Variants in CACNA2D3 observed in about 807,000 individuals in gnomAD.
CACNA2D3 encodes the protein calcium voltage-gated channel auxiliary subunit alpha2delta 3, also known as voltage-dependent calcium channel subunit alpha-2/delta-3.
CACNA2D3 carries 60 observed loss-of-function variants against 160.6 expected under a neutral mutation model. That is an observed-to-expected ratio of 0.37 (90% CI 0.30 to 0.46). The LOEUF is 0.46. Among genes scored for constraint, CACNA2D3 ranks in the 20% least tolerant of loss-of-function variants. CACNA2D3 has a pLI of 1.00. For synonymous variants in CACNA2D3, 558 were observed against 492.9 expected, an observed-to-expected ratio of 1.13 and a Z score of -1.75; for missense variants, 1,205 against 1,365.0, an observed-to-expected ratio of 0.88 and a Z score of 1.85.
At chr3:54,999,048 C>G (rs1034238503) in intron 31 of CACNA2D3, among the ~76,000 whole-genome samples, 2 of 152,138 alleles carry the variant, frequency 1.3e-5, no homozygotes, top group Non-Finnish European at 2.9e-5. Flanking sequence ...GCCCGGCCAG[C>G]TAAAGTTGTT....
intron 5 of CACNA2D3, among the ~76,000 whole-genome samples, chr3:54,527,831 G>T (rs1701749082): frequency 6.6e-6 from 1 of 152,170 alleles, no homozygotes; most frequent in African/African-American, 2.4e-5. Flanking sequence ...GAGAGGGAGG[G>T]AGCAGGTCTT....
chr3:54,144,514 T>G (rs1328131727), intron 2 of CACNA2D3, among the ~76,000 whole-genome samples: 1 of 152,262 alleles, frequency 6.6e-6, no homozygotes, highest in Non-Finnish European at 1.5e-5. Context: ...TCTCTTGTAG[T>G]ATCCAGCTCT....
chr3:54,432,291 ACT>A (rs1382429756), intron 4 of CACNA2D3, among the ~76,000 whole-genome samples: 4 of 151,928 alleles, frequency 2.6e-5, no homozygotes, highest in Admixed American at 2.6e-4. Context: ...CAGAAAATAA[ACT>A]CTTTTCTGTC....
chr3:54,830,198 C>T (rs1256081134), intron 14 of CACNA2D3, among the ~76,000 whole-genome samples: 3 of 152,136 alleles, frequency 2.0e-5, no homozygotes, highest in Admixed American at 6.5e-5. Context: ...CTGCCTTGGC[C>T]TCCCAAAGTG....
intron 11 of CACNA2D3, among the ~76,000 whole-genome samples, chr3:54,668,347 A>G (rs1043563287): frequency 6.6e-6 from 1 of 152,228 alleles, no homozygotes; most frequent in Non-Finnish European, 1.5e-5. Flanking sequence ...AAGTGCAAAC[A>G]GCCCTGCAGA....
At chr3:54,526,352 T>C (rs1006561171) in intron 5 of CACNA2D3, among the ~76,000 whole-genome samples, 1 of 152,224 alleles carries the variant, frequency 6.6e-6, no homozygotes, top group African/African-American at 2.4e-5. Flanking sequence ...TTCTGTTGCC[T>C]GCTTGTTTTT....
intron 2 of CACNA2D3, among the ~76,000 whole-genome samples, chr3:54,159,587 G>T (rs893894315): frequency 6.6e-6 from 1 of 152,162 alleles, no homozygotes; most frequent in East Asian, 1.9e-4. Flanking sequence ...CCAGGCTTGT[G>T]TTGGGTGCAA....
intron 4 of CACNA2D3, among the ~76,000 whole-genome samples, chr3:54,404,386 C>T (rs908003729): frequency 3.9e-5 from 6 of 152,100 alleles, no homozygotes; most frequent in Non-Finnish European, 7.4e-5. Flanking sequence ...AAAAACCACA[C>T]GATCATATAA....
At chr3:54,839,781 A>G (rs1360073512) in intron 16 of CACNA2D3, among the ~76,000 whole-genome samples, 1 of 152,184 alleles carries the variant, frequency 6.6e-6, no homozygotes, top group Non-Finnish European at 1.5e-5. Context: ...TTGACTCTGC[A>G]GGTTCCTGGC....
At chr3:54,270,341 G>A (rs1464217741) in intron 2 of CACNA2D3, among the ~76,000 whole-genome samples, 5 of 152,302 alleles carry the variant, frequency 3.3e-5, no homozygotes, top group African/African-American at 4.8e-5. Flanking sequence ...CAGAAATACT[G>A]TATAGCGAGT....
At chr3:54,400,412 C>T (rs1423015386) in intron 4 of CACNA2D3, among the ~76,000 whole-genome samples, 3 of 152,046 alleles carry the variant, frequency 2.0e-5, no homozygotes, top group Non-Finnish European at 1.5e-5. Context: ...ATATTCTGAG[C>T]ACCTGTTTCC....
intron 2 of CACNA2D3, among the ~76,000 whole-genome samples, chr3:54,221,649 A>C (rs898655711): frequency 2.6e-5 from 4 of 152,192 alleles, no homozygotes; most frequent in African/African-American, 9.7e-5. Flanking sequence ...CAGTACCCAA[A>C]TTCACAGATG....
At chr3:54,964,351 G>A (rs1381165601) in intron 27 of CACNA2D3, among the ~76,000 whole-genome samples, 1 of 152,078 alleles carries the variant, frequency 6.6e-6, no homozygotes, top group African/African-American at 2.4e-5. Flanking sequence ...TGACCTCCGG[G>A]GAAATATGTT....
At chr3:54,220,053 A>G (rs1234786618) in intron 2 of CACNA2D3, among the ~76,000 whole-genome samples, 2 of 152,184 alleles carry the variant, frequency 1.3e-5, no homozygotes, top group Non-Finnish European at 2.9e-5. Context: ...TCTGTTTCTT[A>G]ATGGAATTTC....
intron 4 of CACNA2D3, among the ~76,000 whole-genome samples, chr3:54,452,988 T>C (rs1021197019): frequency 6.6e-6 from 1 of 151,908 alleles, no homozygotes; most frequent in Admixed American, 6.6e-5. Flanking sequence ...TTTCTTTCTC[T>C]CTCTCTTTCT....
chr3:54,888,369 G>A (rs1699976380), intron 24 of CACNA2D3, among the ~76,000 whole-genome samples: 1 of 152,172 alleles, frequency 6.6e-6, no homozygotes, highest in African/African-American at 2.4e-5. Flanking sequence ...TCTCTACTTT[G>A]CAGTCTTGGG....
intron 3 of CACNA2D3, among the ~76,000 whole-genome samples, chr3:54,324,074 C>T (rs952404634): frequency 3.9e-5 from 6 of 152,256 alleles, no homozygotes; most frequent in Admixed American, 3.3e-4. Context: ...AATAACAACA[C>T]CTTTAGTCTG....
chr3:54,286,626 G>A, intron 2 of CACNA2D3, among the ~76,000 whole-genome samples: 1 of 152,206 alleles, frequency 6.6e-6, no homozygotes, highest in South Asian at 2.1e-4. Flanking sequence ...ACACATAATT[G>A]TCAGATTCAC....
chr3:54,323,565 C>G (rs1704056475), intron 3 of CACNA2D3, among the ~76,000 whole-genome samples: 3 of 151,418 alleles, frequency 2.0e-5, no homozygotes, highest in Admixed American at 6.6e-5. Flanking sequence ...CTCCCGGGTT[C>G]ACGCCTTTCT....
Sources: gnomAD v4.1 joint callset for allele counts (sites outside exome capture counted in the v4.1 genomes callset) on GRCh38, gnomAD v4.1.1 for gene constraint, MANE v1.5 for transcripts, NCBI Gene and HGNC (gene_info 2026-07-23, HGNC 2026-07-21) for gene names.